The following NOSTRIN variants were observed in gnomAD, a reference collection of about 807,000 sequenced individuals.
NOSTRIN encodes the protein BM247 homolog.
NOSTRIN carries 63 observed loss-of-function variants against 59.0 expected under a neutral mutation model. The observed-to-expected ratio is 1.07, with a 90% CI of 0.87 to 1.32. NOSTRIN has a LOEUF of 1.32. Among genes scored for constraint, NOSTRIN ranks in the 40% most tolerant of loss-of-function variants. NOSTRIN has a pLI of 0.00. For synonymous variants in NOSTRIN, 200 were observed against 165.4 expected (o/e 1.21, Z -1.61); for missense variants, 512 against 473.1 (o/e 1.08, Z -0.76).
chr2:168,839,521 C>T (rs540702093), intron 7 of NOSTRIN, among the ~76,000 whole-genome samples: 5 of 152,040 alleles, frequency 3.3e-5, no homozygotes, highest in African/African-American at 4.8e-5. Flanking sequence ...TAAATGAATG[C>T]GATGTTTGTT....
At chr2:168,843,230 C>T (rs1688205141) in intron 8 of NOSTRIN, 113 bp downstream of exon 8, 2 of 642,190 alleles carry the variant, frequency 3.1e-6, no homozygotes, top group South Asian at 2.5e-5. Flanking sequence ...ATGAGCATCA[C>T]ACATATTGTG....
At chr2:168,825,868 G>A (rs892725602) in intron 3 of NOSTRIN, among the ~76,000 whole-genome samples, 1 of 152,188 alleles carries the variant, frequency 6.6e-6, no homozygotes, top group Non-Finnish European at 1.5e-5. Context: ...CTCTTCTTTA[G>A]GCATCAGCCA....
At position 168,788,941 on chromosome 2, in the gene NOSTRIN, G is replaced by C. The variant is rs528606674; in HGVS notation, c.-473+893G>C. Reference sequence around the variant, plus strand: ...TAGATAGATAGATAGATAGATGATAGATATTTCATAACTGTCCACCTCAGA... The same window carrying C: ...TAGATAGATAGATAGATAGATGATACATATTTCATAACTGTCCACCTCAGA... On this transcript the variant is annotated intron_variant, in intron 2 of 20. Transcript: ENST00000458381. 4.7e-5 allele frequency among the ~76,000 whole-genome samples: 7 copies of C among 149,232 alleles called. No individual in the cohort carries two copies. The East Asian group carries it at 1.4e-3, about 30-fold the overall frequency.
chr2:168,857,612 T>C (rs1689203019), intron 12 of NOSTRIN, among the ~76,000 whole-genome samples: 1 of 152,138 alleles, frequency 6.6e-6, no homozygotes, highest in African/African-American at 2.4e-5. Flanking sequence ...CTGATGAATT[T>C]TACACAGGAA....
intron 7 of NOSTRIN, among the ~76,000 whole-genome samples, chr2:168,837,017 C>G (rs941915829): frequency 7.2e-5 from 11 of 152,162 alleles, no homozygotes; most frequent in Non-Finnish European, 1.5e-5. Context: ...TTTCAGGTTG[C>G]AGACCGGCTA....
chr2:168,831,355 A>T, intron 5 of NOSTRIN, 117 bp from the exon 6 acceptor site: 1 of 645,116 alleles, frequency 1.6e-6, no homozygotes, highest in Non-Finnish European at 2.9e-6. Flanking sequence ...TCCAAATACC[A>T]TCACATTGAG....
At position 168,865,050 on chromosome 2, in the gene NOSTRIN, C is replaced by A. The variant is rs1011588198; in HGVS notation, c.*80C>A. The A allele has an allele frequency of 6.8e-7, 1 of 1,471,418 alleles. No individual in the cohort carries two copies. The highest frequency in any genetic ancestry group is 9.3e-7 in the Non-Finnish European group (1 of 1,080,434). The allele number at this position is 1,471,418 out of a possible 1,614,324, so 91.1% of individuals were successfully genotyped here. A position where few individuals can be genotyped will look rare whatever the true frequency, so the allele number is the denominator to read the frequency against. ...TTCAAATAAGAATAAAGTGCTCTTACCTTTACATGTTTTTCTTTTGAAATG... is the reference window on the plus strand; with the variant it reads ...TTCAAATAAGAATAAAGTGCTCTTAACTTTACATGTTTTTCTTTTGAAATG... On this transcript the variant is annotated 3_prime_UTR_variant, in exon 16 of 16. Transcript: ENST00000317647.
At chr2:168,834,541 A>ACACACACACACACACACACACACACACC (rs58702721) in intron 7 of NOSTRIN, among the ~76,000 whole-genome samples, 2 of 140,358 alleles carry the variant, frequency 1.4e-5, no homozygotes, top group African/African-American at 2.6e-5. Flanking sequence ...ACACACACAC[A>ACACACACACACACACACACACACACACC]CCACATACAT....
At chr2:168,823,572 T>G (rs992038737) in intron 2 of NOSTRIN, among the ~76,000 whole-genome samples, 1 of 152,250 alleles carries the variant, frequency 6.6e-6, no homozygotes, top group Non-Finnish European at 1.5e-5. Context: ...TGTACATGTC[T>G]GTTTATGTCC....
intron 1 of NOSTRIN, among the ~76,000 whole-genome samples, chr2:168,805,604 T>C (rs1458469360): frequency 6.6e-6 from 1 of 152,196 alleles, no homozygotes; most frequent in Non-Finnish European, 1.5e-5. Context: ...TTTTTGCTTT[T>C]TACACACTCA....
intron 8 of NOSTRIN, among the ~76,000 whole-genome samples, chr2:168,843,529 AACATCTCAATGCTTGAGATGTGT>A (rs1397811079): frequency 6.6e-6 from 1 of 152,230 alleles, no homozygotes; most frequent in Non-Finnish European, 1.5e-5. Flanking sequence ...TGAATAAAGT[AACATCTCAATGCTTGAGATGTGT>A]ACATCTCAGT....
intron 2 of NOSTRIN, among the ~76,000 whole-genome samples, chr2:168,792,719 A>G (rs1292785596): frequency 6.6e-6 from 1 of 152,118 alleles, no homozygotes; most frequent in Non-Finnish European, 1.5e-5. Context: ...ACCTCAGGTG[A>G]TCCACCTGCC....
intron 5 of NOSTRIN, among the ~76,000 whole-genome samples, chr2:168,830,558 G>A (rs1001639056): frequency 1.3e-4 from 20 of 152,128 alleles, no homozygotes; most frequent in Admixed American, 3.3e-4. Context: ...GTTGAATAAC[G>A]GCTGATCTGC....
chr2:168,796,395 C>T (rs1685480525), upstream of NOSTRIN, among the ~76,000 whole-genome samples: 2 of 152,198 alleles, frequency 1.3e-5, no homozygotes, highest in Admixed American at 1.3e-4. Flanking sequence ...ACCGCTGGAC[C>T]CCAGCAGCTT....
Position 168,859,587 on chromosome 2 carries a change from C to G in NOSTRIN, c.1129C>G (p.Pro377Ala), listed in dbSNP as rs750636280. 6 of 1,613,964 alleles carry G rather than the reference C, an allele frequency of 3.7e-6. No individual in the cohort carries two copies. The highest frequency in any genetic ancestry group is 4.2e-6 in the Non-Finnish European group (5 of 1,180,002). The change falls in exon 13 of 16, where the codon CCT (proline) becomes GCT (alanine). Residue 377 changes from proline (P) to alanine (A), a missense_variant. Transcript: ENST00000317647. The part of the protein sequence containing the change: ...SSMLAELEQR[P>A]QPSHPCSNSI... ...AATGTTAGCAGAACTTGAGCAAAGA[C>G]CTCAACCCAGCCATCCTTGTAGTAA...
At chr2:168,830,738 T>C (rs1347100009) in intron 5 of NOSTRIN, among the ~76,000 whole-genome samples, 1 of 152,214 alleles carries the variant, frequency 6.6e-6, no homozygotes, top group Non-Finnish European at 1.5e-5. Context: ...TAAAGCAATA[T>C]TCACTTCAGG....
At chr2:168,799,671 T>C (rs1685566019), upstream of NOSTRIN, among the ~76,000 whole-genome samples, 1 of 152,146 alleles carries the variant, frequency 6.6e-6, no homozygotes, top group Admixed American at 6.5e-5. Flanking sequence ...CTAGAGTCTT[T>C]TATGATTTAG....
At chr2:168,861,814 A>G in intron 14 of NOSTRIN, 146 bp from the exon 15 acceptor site, 2 of 679,348 alleles carry the variant, frequency 2.9e-6, no homozygotes, top group Non-Finnish European at 5.0e-6. Flanking sequence ...CAAGGAATGA[A>G]CATTATATAA....
chr2:168,803,222 G>T (rs1190780337), intron 1 of NOSTRIN, among the ~76,000 whole-genome samples: 1 of 152,198 alleles, frequency 6.6e-6, no homozygotes, highest in African/African-American at 2.4e-5. Flanking sequence ...TTTTGGTAAT[G>T]TTTGGAGCAC....
Sources: allele counts gnomAD v4.1 joint callset (sites outside exome capture counted in the v4.1 genomes callset), GRCh38; gene constraint gnomAD v4.1.1; transcripts MANE v1.5; gene names NCBI Gene and HGNC (gene_info 2026-07-23, HGNC 2026-07-21).